Variants in UBR1 observed in about 807,000 individuals in gnomAD.
UBR1 encodes the protein E3 ubiquitin-protein ligase UBR1.
Under a neutral mutation model 242.1 loss-of-function variants are expected in UBR1, and 102 were observed. That is an observed-to-expected ratio of 0.42 (90% confidence interval 0.36 to 0.50). The LOEUF (loss-of-function observed/expected upper bound fraction) is 0.50, where lower values mean the gene tolerates loss of function less well. Among genes scored for constraint, UBR1 ranks in the 20% least tolerant of loss-of-function variants. UBR1 has a pLI of 0.01. For synonymous variants in UBR1, 675 were observed against 684.8 expected (o/e 0.99, Z 0.22); for missense variants, 1,772 against 2,101.8 (o/e 0.84, Z 3.07).
intron 37 of UBR1, among the ~76,000 whole-genome samples, chr15:42,978,507 C>A (rs1267239639): frequency 6.6e-6 from 1 of 152,080 alleles, no homozygotes; most frequent in Non-Finnish European, 1.5e-5. Flanking sequence ...TAAGGAAAAG[C>A]TGTAATTCCA....
At chr15:43,087,731 T>C (rs2034054984) in intron 1 of UBR1, among the ~76,000 whole-genome samples, 1 of 152,190 alleles carries the variant, frequency 6.6e-6, no homozygotes, top group Admixed American at 6.5e-5. Context: ...CTGATAAACA[T>C]GTAAAAAGAA....
chr15:43,000,965 C>A (rs765002422), intron 32 of UBR1, among the ~76,000 whole-genome samples: 8 of 151,998 alleles, frequency 5.3e-5, no homozygotes, highest in Non-Finnish European at 1.0e-4. Flanking sequence ...TCCTGAGTAG[C>A]TGGGATTACA....
In UBR1 at chr15:42,943,070, GATC is replaced by G. The variant is rs2031677300; in HGVS notation, c.*2256_*2258del. On this transcript the variant is annotated 3_prime_UTR_variant, in exon 47 of 47. Coordinates refer to ENST00000290650, the MANE Select transcript of UBR1 (RefSeq NM_174916.3). ...AAACATGTTGCAGTCACTAAATATA[GATC>G]ATCATCACAGTGAACCAAAATGCAT... 6.6e-6 allele frequency: 1 copy of G among 152,556 alleles called. No homozygotes were observed. The highest frequency in any genetic ancestry group is 2.1e-4 in the South Asian group (1 of 4,830). The allele number at this position is 152,556 out of a possible 1,614,324, so 9.5% of individuals were successfully genotyped here. A position where few individuals can be genotyped will look rare whatever the true frequency, so the allele number is the denominator to read the frequency against.
In UBR1 at chr15:43,015,957, G is replaced by A. The variant is rs78688655; in HGVS notation, c.3028-88C>T. The A allele has an allele frequency of 0.034, 43,292 of 1,268,894 alleles. 921 individuals carry two copies. The highest frequency in any genetic ancestry group is 0.039 in the Non-Finnish European group (34,738 of 890,324). 78.6% of individuals were successfully genotyped at this position (1,268,894 alleles called of 1,614,324 possible). On this transcript the variant is annotated intron_variant, in intron 28 of 46. Transcript: ENST00000290650. ...TGGATGGCAAAATTCCTTAGAATAA[G>A]ATTCTGAAACCCTGATTACCCCTTA...
At chr15:42,974,861 C>T (rs149002764) in intron 39 of UBR1, among the ~76,000 whole-genome samples, 7 of 152,312 alleles carry the variant, frequency 4.6e-5, no homozygotes, top group Non-Finnish European at 1.0e-4. Flanking sequence ...CAGGCATGAG[C>T]CACTGGGCTT....
At chr15:42,965,492 C>T (rs2032091589) in intron 41 of UBR1, among the ~76,000 whole-genome samples, 1 of 149,910 alleles carries the variant, frequency 6.7e-6, no homozygotes, top group South Asian at 2.1e-4. Context: ...GAGACAGAGC[C>T]TTGCTCTGTC....
intron 29 of UBR1, among the ~76,000 whole-genome samples, chr15:43,014,834 T>G (rs1414673750): frequency 9.6e-5 from 11 of 114,234 alleles, no homozygotes; most frequent in African/African-American, 2.2e-4. Context: ...GGGAGGGAGG[T>G]GGGGGTCAGC....
intron 15 of UBR1, among the ~76,000 whole-genome samples, chr15:43,041,629 A>G (rs1335595857): frequency 6.6e-6 from 1 of 152,192 alleles, no homozygotes; most frequent in Non-Finnish European, 1.5e-5. Flanking sequence ...AGATTTGACA[A>G]TGAGTTTTTT....
At chr15:43,099,030 T>C (rs2034194344) in intron 1 of UBR1, among the ~76,000 whole-genome samples, 1 of 152,304 alleles carries the variant, frequency 6.6e-6, no homozygotes, top group Middle Eastern at 3.4e-3. Flanking sequence ...CAAGAGATTA[T>C]GTTGTATTTT....
At chr15:43,010,326 G>GAA (rs757798731) in intron 29 of UBR1, among the ~76,000 whole-genome samples, 1 of 141,816 alleles carries the variant, frequency 7.1e-6, no homozygotes, top group Non-Finnish European at 1.5e-5. Flanking sequence ...AGTACTACAT[G>GAA]AAAAAAAAAA....
intron 19 of UBR1, among the ~76,000 whole-genome samples, chr15:43,034,809 C>A (rs567939535): frequency 2.0e-5 from 3 of 149,522 alleles, no homozygotes; most frequent in African/African-American, 7.4e-5. Context: ...CGCTTGAACC[C>A]GGGGTGGGCA....
intron 27 of UBR1, among the ~76,000 whole-genome samples, chr15:43,019,515 A>G (rs1482221439): frequency 6.6e-6 from 1 of 152,064 alleles, no homozygotes; most frequent in East Asian, 1.9e-4. Flanking sequence ...AACAATACTT[A>G]CCTAAAAACA....
At chr15:43,006,844 G>A (rs2032839106) in intron 30 of UBR1, among the ~76,000 whole-genome samples, 1 of 151,914 alleles carries the variant, frequency 6.6e-6, no homozygotes, top group African/African-American at 2.4e-5. Context: ...ACACGTGTTT[G>A]TTTGGATCCT....
intron 17 of UBR1, 86 bp from the exon 18 acceptor site, chr15:43,036,679 T>C (rs1358719572): frequency 3.1e-6 from 3 of 956,514 alleles, no homozygotes; most frequent in Non-Finnish European, 4.9e-6. Context: ...TAAAACTTTC[T>C]CTAAGCTAGA....
At position 43,060,705 on chromosome 15, in the gene UBR1, G is replaced by A. The variant is rs140781872; in HGVS notation, c.799-591C>T. 4.8e-3 allele frequency among the ~76,000 whole-genome samples: 726 copies of A among 152,208 alleles called. 2 individuals are homozygous for A. Among genetic ancestry groups the A allele is most frequent in the Non-Finnish European group, 7.9e-3 (535 of 68,018 alleles). ...TTAACCTTTACAATGACCCTATGAAGAAGGTATACCACATTTTACAGATGA... is the reference window on the plus strand; with the variant it reads ...TTAACCTTTACAATGACCCTATGAAAAAGGTATACCACATTTTACAGATGA... On this transcript the variant is annotated intron_variant, in intron 6 of 46. Coordinates refer to ENST00000290650, the MANE Select transcript of UBR1 (RefSeq NM_174916.3).
In UBR1 at chr15:43,036,600, G is replaced by A. The variant is rs774152475; in HGVS notation, c.2023-7C>T. 1.3e-5 allele frequency: 20 copies of A among 1,495,390 alleles called. No individual in the cohort carries two copies. Among genetic ancestry groups the A allele is most frequent in the Non-Finnish European group, 1.8e-5 (19 of 1,074,560 alleles). The allele number at this position is 1,495,390 out of a possible 1,614,324, so 92.6% of individuals were successfully genotyped here. On this transcript the variant is annotated splice_polypyrimidine_tract_variant and splice_region_variant and intron_variant, in intron 17 of 46. Transcript: ENST00000290650. The stretch of plus-strand genomic sequence containing the variant: ...CATCTTGGTAATAAAACACCTATAA[G>A]GTAATAGGTAGAATAAATCCTAAAA...
intron 33 of UBR1, among the ~76,000 whole-genome samples, chr15:42,992,899 G>A (rs997741998): frequency 6.6e-6 from 1 of 152,312 alleles, no homozygotes; most frequent in Admixed American, 6.5e-5. Context: ...GATTAACCTT[G>A]TACTCTTTGG....
At chr15:43,002,419 C>G in intron 32 of UBR1, 136 bp downstream of exon 32, 1 of 984,568 alleles carries the variant, frequency 1.0e-6, no homozygotes, top group Non-Finnish European at 1.5e-6. Flanking sequence ...TGGGGTTTTA[C>G]CATGTTACCC....
intron 1 of UBR1, among the ~76,000 whole-genome samples, chr15:43,098,482 G>T (rs755915059): frequency 3.3e-5 from 5 of 152,110 alleles, no homozygotes; most frequent in Non-Finnish European, 7.4e-5. Flanking sequence ...CAATAATAAA[G>T]CTCAATAAAA....
Sources: allele counts gnomAD v4.1 joint callset (sites outside exome capture counted in the v4.1 genomes callset), GRCh38; gene constraint gnomAD v4.1.1; transcripts MANE v1.5; gene names NCBI Gene and HGNC (gene_info 2026-07-23, HGNC 2026-07-21).